The following PLPP1 variants were observed in gnomAD, a reference collection of about 807,000 sequenced individuals.
PLPP1 encodes phospholipid phosphatase 1.
A neutral mutation model predicts 31.2 loss-of-function variants in PLPP1; 24 were observed. The ratio of observed to expected loss-of-function variants is 0.77; its 90% CI spans 0.56 to 1.08. PLPP1 has a LOEUF of 1.08. Ranked by LOEUF, PLPP1 falls within the 50% of genes least tolerant of loss-of-function variation. PLPP1 has a pLI of 0.00. For missense variants in PLPP1, 319 were observed against 342.7 expected (o/e 0.93, Z 0.55); for synonymous variants, 146 against 126.3 (o/e 1.16, Z -1.05).
At chr5:55,495,593 T>C (rs1752988211) in intron 1 of PLPP1, among the ~76,000 whole-genome samples, 1 of 152,180 alleles carries the variant, frequency 6.6e-6, no homozygotes, top group Non-Finnish European at 1.5e-5. Flanking sequence ...GAATATATTA[T>C]ACCGTCTCCA....
intron 1 of PLPP1, among the ~76,000 whole-genome samples, chr5:55,514,230 T>C (rs930712470): frequency 2.6e-5 from 4 of 151,662 alleles, no homozygotes; most frequent in African/African-American, 9.7e-5. Flanking sequence ...GAAACAAGTA[T>C]AAAAATTAGT....
intron 3 of PLPP1, among the ~76,000 whole-genome samples, chr5:55,461,383 A>ATAT (rs531708359): frequency 6.8e-4 from 103 of 152,268 alleles, no homozygotes; most frequent in African/African-American, 2.4e-3. Context: ...AAATATTAGC[A>ATAT]AACCAAATCC....
At chr5:55,468,711 G>A (rs1752357623) in intron 2 of PLPP1, among the ~76,000 whole-genome samples, 1 of 152,120 alleles carries the variant, frequency 6.6e-6, no homozygotes, top group Admixed American at 6.5e-5. Flanking sequence ...GCTAAGGCAG[G>A]AGAATCACTT....
At chr5:55,473,059 A>C (rs958178833) in intron 2 of PLPP1, among the ~76,000 whole-genome samples, 2 of 152,226 alleles carry the variant, frequency 1.3e-5, no homozygotes, top group African/African-American at 4.8e-5. Flanking sequence ...ATCCTGTCTG[A>C]AATTGGCTAT....
chr5:55,522,383 A>G (rs150277338), intron 1 of PLPP1, among the ~76,000 whole-genome samples: 3 of 152,288 alleles, frequency 2.0e-5, no homozygotes, highest in East Asian at 3.9e-4. Flanking sequence ...ATGAAATATT[A>G]AAGTGCCTCT....
chr5:55,502,010 T>C (rs1330442147), intron 1 of PLPP1, among the ~76,000 whole-genome samples: 3 of 152,240 alleles, frequency 2.0e-5, no homozygotes, highest in Non-Finnish European at 2.9e-5. Flanking sequence ...AGAGTGGCAC[T>C]GTCTTTTTAA....
At chr5:55,488,939 G>C (rs968801153) in intron 1 of PLPP1, among the ~76,000 whole-genome samples, 1 of 152,058 alleles carries the variant, frequency 6.6e-6, no homozygotes, top group Non-Finnish European at 1.5e-5. Context: ...TGAGGCAGGA[G>C]AATCGCTTGA....
chr5:55,530,605 G>C (rs1416997224), intron 1 of PLPP1: 2 of 1,453,358 alleles, frequency 1.4e-6, no homozygotes, highest in East Asian at 2.3e-5. Flanking sequence ...AGTCTCATGC[G>C]ATAGAATTTA....
chr5:55,465,702 G>C (rs944272289), intron 3 of PLPP1, among the ~76,000 whole-genome samples: 9 of 152,104 alleles, frequency 5.9e-5, no homozygotes, highest in Non-Finnish European at 1.5e-5. Flanking sequence ...CCAGCTATTT[G>C]TTCTTCTTTA....
intron 3 of PLPP1, among the ~76,000 whole-genome samples, chr5:55,464,850 A>C (rs530581368): frequency 6.6e-6 from 1 of 152,316 alleles, no homozygotes; most frequent in East Asian, 1.9e-4. Context: ...AGCTTTTCAA[A>C]TATCTGAAAA....
At position 55,458,966 on chromosome 5, in the gene PLPP1, A is replaced by G. The variant is rs147235239; in HGVS notation, c.491+8903T>C. Among the ~76,000 whole-genome samples the G allele has an allele frequency of 5.2e-4, 79 of 151,052 alleles. No individual in the cohort carries two copies. In the East Asian group the frequency reaches 0.013, roughly 25 times the overall value. On this transcript the variant is annotated intron_variant, in intron 3 of 5. Coordinates refer to ENST00000307259, the MANE Select transcript of PLPP1 (RefSeq NM_003711.4). ...CCAGCCATATTGGTAATTACATTAAATTTGTGATCAAAGGGCAAAGATTTT... is the reference window on the plus strand; with the variant it reads ...CCAGCCATATTGGTAATTACATTAAGTTTGTGATCAAAGGGCAAAGATTTT...
At chr5:55,471,346 C>G (rs934700686) in intron 2 of PLPP1, among the ~76,000 whole-genome samples, 1 of 152,008 alleles carries the variant, frequency 6.6e-6, no homozygotes, top group African/African-American at 2.4e-5. Context: ...GGATTACAGG[C>G]ACCCACCACC....
At chr5:55,514,280 G>C (rs372701891) in intron 1 of PLPP1, among the ~76,000 whole-genome samples, 8 of 152,164 alleles carry the variant, frequency 5.3e-5, no homozygotes, top group African/African-American at 1.9e-4. Context: ...AGCTACTCAG[G>C]AGGCTGAGGT....
chr5:55,424,928 T>C lies in PLPP1; in HGVS notation c.*278A>G, dbSNP rs1751127872. 2.2e-5 allele frequency: 14 copies of C among 639,096 alleles called. No homozygotes were observed. The South Asian group carries it at 2.6e-4, about 12-fold the overall frequency. 39.6% of individuals were successfully genotyped at this position (639,096 alleles called of 1,614,324 possible). ...ATTCATAGAAAGCATATTACATACA[T>C]GTTTATACATAAGCATTACATTTTT... On this transcript the variant is annotated 3_prime_UTR_variant, in exon 6 of 6. Transcript: ENST00000307259.
Position 55,449,512 on chromosome 5 carries a change from C to A in PLPP1, c.492-7604G>T, listed in dbSNP as rs537609391. Among the ~76,000 whole-genome samples, 29 of 152,306 alleles carry A rather than the reference C, an allele frequency of 1.9e-4. No homozygotes were observed. The South Asian group carries it at 6.0e-3, about 32-fold the overall frequency. On this transcript the variant is annotated intron_variant, in intron 3 of 5. Coordinates refer to ENST00000307259, the MANE Select transcript of PLPP1 (RefSeq NM_003711.4). The stretch of plus-strand genomic sequence containing the variant: ...AGTTTCTTGGCTAAAAGTGCCACTA[C>A]TCCGAGTATAAACACAGCTCCCTAC...
chr5:55,529,024 G>A (rs1396975995), intron 1 of PLPP1, among the ~76,000 whole-genome samples: 11 of 151,952 alleles, frequency 7.2e-5, no homozygotes, highest in Admixed American at 2.6e-4. Flanking sequence ...AATAAGAAAT[G>A]AGCACCATAC....
intron 1 of PLPP1, among the ~76,000 whole-genome samples, chr5:55,521,022 G>T (rs1426865249): frequency 6.6e-6 from 1 of 151,450 alleles, no homozygotes; most frequent in African/African-American, 2.4e-5. Flanking sequence ...GACCAACCTG[G>T]GCAACAGAGT....
intron 3 of PLPP1, among the ~76,000 whole-genome samples, chr5:55,443,413 A>T (rs1751680911): frequency 6.6e-6 from 1 of 151,926 alleles, no homozygotes; most frequent in African/African-American, 2.4e-5. Context: ...TTGCTATTTG[A>T]CCACACAGAA....
In PLPP1 at chr5:55,426,228, A is replaced by G. The variant is rs115202691; in HGVS notation, c.550-189T>C. ...TTTAAAGAAACAAAACTATTGCCCTACTAACTTGTTCACAAGAATCTATTG... is the reference window on the plus strand; with the variant it reads ...TTTAAAGAAACAAAACTATTGCCCTGCTAACTTGTTCACAAGAATCTATTG... On this transcript the variant is annotated intron_variant, in intron 4 of 5. Transcript: ENST00000307259. Among the ~76,000 whole-genome samples the G allele has an allele frequency of 3.1e-3, 474 of 152,294 alleles. 2 individuals carry two copies. The highest frequency in any genetic ancestry group is 0.01 in the African/African-American group (428 of 41,562).
Sources: allele counts gnomAD v4.1 joint callset (sites outside exome capture counted in the v4.1 genomes callset), GRCh38; gene constraint gnomAD v4.1.1; transcripts MANE v1.5; gene names NCBI Gene and HGNC (gene_info 2026-07-23, HGNC 2026-07-21).